Variants in DIAPH2 observed in about 807,000 individuals in gnomAD.
DIAPH2 encodes the protein diaphanous related formin 2, also known as protein diaphanous homolog 2.
A neutral mutation model predicts 92.7 loss-of-function variants in DIAPH2; 35 were observed. The observed-to-expected ratio is 0.38, with a 90% confidence interval of 0.29 to 0.50. The LOEUF is 0.50. DIAPH2 is among the 20% of genes least tolerant of loss of function. The pLI is 0.94. For synonymous variants in DIAPH2, 301 were observed against 280.4 expected (o/e 1.07, Z -0.73); for missense variants, 701 against 819.5 (o/e 0.86, Z 1.77).
chrX:96,889,953 A>T (rs2065296186), intron 5 of DIAPH2, among the ~76,000 whole-genome samples: 1 of 112,081 alleles, frequency 8.9e-6, no homozygotes. Flanking sequence ...CATTCAAAGG[A>T]CTTTGGCTTT....
At chrX:97,479,461 T>C (rs753728234) in intron 26 of DIAPH2, among the ~76,000 whole-genome samples, 14 of 112,293 alleles carry the variant, frequency 1.2e-4, no homozygotes, top group Non-Finnish European at 2.4e-4. Flanking sequence ...CAGACTTCGA[T>C]CTAATCTCTA....
chrX:97,221,945 G>A (rs1424822231), intron 22 of DIAPH2, among the ~76,000 whole-genome samples: 3 of 110,479 alleles, frequency 2.7e-5, no homozygotes, highest in African/African-American at 9.9e-5. Flanking sequence ...TAGTCCACAA[G>A]TGTTTAGTTT....
At chrX:96,899,626 G>T (rs2065377435) in intron 5 of DIAPH2, among the ~76,000 whole-genome samples, 1 of 110,966 alleles carries the variant, frequency 9.0e-6, no homozygotes, top group Admixed American at 9.6e-5. Flanking sequence ...GGAGATTTTG[G>T]GCTGAGACAA....
intron 9 of DIAPH2, among the ~76,000 whole-genome samples, chrX:96,924,861 A>C (rs1398809155): frequency 9.0e-6 from 1 of 111,077 alleles, no homozygotes; most frequent in African/African-American, 3.3e-5. Context: ...CCCATGATCC[A>C]GTCACCTCCC....
At position 97,398,098 on chromosome X, in the gene DIAPH2, T is replaced by C. The variant is rs371784926; in HGVS notation, c.3145+14054T>C. On this transcript the variant is annotated intron_variant, in intron 25 of 26. Coordinates refer to ENST00000324765, the MANE Select transcript of DIAPH2 (RefSeq NM_006729.5). ...GACCTCATTCTACTGAACTTCAGCATGGTATATGAAACTACCTCCCCTGTG... is the reference window on the plus strand; with the variant it reads ...GACCTCATTCTACTGAACTTCAGCACGGTATATGAAACTACCTCCCCTGTG... Among the ~76,000 whole-genome samples the C allele has an allele frequency of 3.8e-4, 43 of 112,389 alleles. No individual in the cohort carries two copies. The East Asian group carries it at 0.01, about 27-fold the overall frequency.
intron 4 of DIAPH2, among the ~76,000 whole-genome samples, chrX:96,829,543 G>C (rs1427315518): frequency 9.1e-6 from 1 of 109,989 alleles, no homozygotes. Flanking sequence ...GCCCAGGCTA[G>C]ATTACAATGG....
At chrX:96,901,433 A>AT (rs1244128304) in intron 5 of DIAPH2, among the ~76,000 whole-genome samples, 22 of 61,706 alleles carry the variant, frequency 3.6e-4, no homozygotes, top group South Asian at 1.2e-3. Flanking sequence ...AATCTTTTGT[A>AT]TTTTTTTTTG....
intron 1 of DIAPH2, among the ~76,000 whole-genome samples, chrX:96,689,157 A>C (rs922998345): frequency 1.1e-4 from 12 of 107,128 alleles, no homozygotes; most frequent in Non-Finnish European, 1.9e-4. Flanking sequence ...GTAAACAGAT[A>C]AGGGAGCATA....
chrX:96,862,654 A>T (rs1266416135), intron 4 of DIAPH2, among the ~76,000 whole-genome samples: 2 of 112,024 alleles, frequency 1.8e-5, no homozygotes, highest in Admixed American at 1.9e-4. Context: ...ATATTTGTGT[A>T]TGTGTGCCTG....
intron 23 of DIAPH2, among the ~76,000 whole-genome samples, chrX:97,258,256 T>C (rs972718067): frequency 1.8e-4 from 20 of 112,115 alleles, no homozygotes; most frequent in Non-Finnish European, 3.4e-4. Context: ...GATGACATTC[T>C]ATATGCTATG....
chrX:97,372,808 T>TA (rs931741806), intron 24 of DIAPH2, among the ~76,000 whole-genome samples: 3 of 109,587 alleles, frequency 2.7e-5, no homozygotes, highest in East Asian at 2.9e-4. Context: ...CTGTCTCTAC[T>TA]AAAAAAAATA....
At chrX:97,198,393 T>G (rs2147490094) in intron 22 of DIAPH2, among the ~76,000 whole-genome samples, 1 of 109,959 alleles carries the variant, frequency 9.1e-6, no homozygotes, top group Admixed American at 9.8e-5. Context: ...CCCTTTAAGC[T>G]AAACTTGTCC....
At chrX:96,687,337 G>A (rs1191118963) in intron 1 of DIAPH2, among the ~76,000 whole-genome samples, 1 of 112,066 alleles carries the variant, frequency 8.9e-6, no homozygotes, top group Non-Finnish European at 1.9e-5. Context: ...TAATTCAGTC[G>A]CTCCAGTATA....
At chrX:97,312,345 C>CATTTTTTTTTTTTT (rs202046146) in intron 23 of DIAPH2, among the ~76,000 whole-genome samples, 2 of 54,945 alleles carry the variant, frequency 3.6e-5, no homozygotes, top group Non-Finnish European at 3.1e-5. Flanking sequence ...CAATAGAATC[C>CATTTTTTTTTTTTT]TTTTTTTTTT....
intron 17 of DIAPH2, among the ~76,000 whole-genome samples, chrX:97,069,218 C>T (rs568998916): frequency 9.0e-6 from 1 of 111,262 alleles, no homozygotes; most frequent in South Asian, 3.9e-4. Context: ...CCGCCTCAGC[C>T]TCCCAAAGTG....
intron 26 of DIAPH2, among the ~76,000 whole-genome samples, chrX:97,460,247 G>T (rs1249054157): frequency 8.9e-6 from 1 of 111,923 alleles, no homozygotes; most frequent in Non-Finnish European, 1.9e-5. Flanking sequence ...ACCTTAGTGG[G>T]CAGGCTGTTT....
chrX:97,275,917 C>A (rs984519024), intron 23 of DIAPH2, among the ~76,000 whole-genome samples: 3 of 112,490 alleles, frequency 2.7e-5, no homozygotes, highest in African/African-American at 6.4e-5. Flanking sequence ...TTTGGGAGGC[C>A]AAGGCAGGCG....
At chrX:97,568,435 G>T (rs754777226) in intron 26 of DIAPH2, among the ~76,000 whole-genome samples, 1 of 110,943 alleles carries the variant, frequency 9.0e-6, no homozygotes, top group Non-Finnish European at 1.9e-5. Context: ...ATCAAGGGGT[G>T]GTTGGTACAA....
At chrX:97,339,956 G>A (rs769211252) in intron 23 of DIAPH2, among the ~76,000 whole-genome samples, 126 of 111,804 alleles carry the variant, frequency 1.1e-3, no homozygotes, top group Non-Finnish European at 1.7e-3. Context: ...CTTCATCTTG[G>A]AAGGTCCATT....
Sources: allele counts gnomAD v4.1 joint callset (sites outside exome capture counted in the v4.1 genomes callset), GRCh38; gene constraint gnomAD v4.1.1; transcripts MANE v1.5; gene names NCBI Gene and HGNC (gene_info 2026-07-23, HGNC 2026-07-21).